The following NSL1 variants were observed in gnomAD, a reference collection of about 807,000 sequenced individuals.
NSL1 encodes kinetochore-associated protein NSL1 homolog.
In NSL1, 11 loss-of-function variants were observed where a neutral mutation model predicts 25.4. That is an observed-to-expected ratio of 0.43 (90% CI 0.27 to 0.72). The LOEUF (loss-of-function observed/expected upper bound fraction) is 0.72. NSL1 is among the 30% of genes least tolerant of loss of function. The pLI, the probability that NSL1 is intolerant of heterozygous loss-of-function variation, is 0.19. For missense variants in NSL1, 330 were observed against 342.7 expected (o/e 0.96, Z 0.29); for synonymous variants, 118 against 120.6 (o/e 0.98, Z 0.14).
intron 3 of NSL1, 44 bp from the exon 4 acceptor site, chr1:212,782,470 T>A (rs762355656): frequency 6.2e-6 from 8 of 1,299,852 alleles, no homozygotes; most frequent in Non-Finnish European, 8.9e-6. Flanking sequence ...ACTTAATGCT[T>A]CATATAAACA....
Position 212,730,267 on chromosome 1 carries a change from A to G in NSL1, c.*8141T>C, listed in dbSNP as rs535958610. On this transcript the variant is annotated 3_prime_UTR_variant, in exon 6 of 6. Coordinates refer to ENST00000366977, the MANE Select transcript of NSL1 (RefSeq NM_015471.4). ...AAAAAAAAAAAAAAAAAAAAAAAAG[A>G]AATGCGCCAAGTCTCAGGTATTTAT... is the stretch of plus-strand genomic sequence containing the variant. 5.0e-5 allele frequency: 49 copies of G among 978,100 alleles called. No individual in the cohort carries two copies. In the African/African-American group the frequency reaches 8.6e-4, roughly 17 times the overall value. 60.6% of individuals were successfully genotyped at this position (978,100 alleles called of 1,614,324 possible).
Position 212,726,705 on chromosome 1 carries a change from T to C in NSL1, c.*11703A>G, listed in dbSNP as rs1657804560. The C allele has an allele frequency of 6.3e-6, 1 of 157,794 alleles. No individual in the cohort carries two copies. The highest frequency in any genetic ancestry group is 2.0e-4 in the South Asian group (1 of 4,934). 9.8% of individuals were successfully genotyped at this position (157,794 alleles called of 1,614,324 possible). A position where few individuals can be genotyped will look rare whatever the true frequency, so the allele number is the denominator to read the frequency against. ...CCCTGAGGTTGGCTCCTCTTCAATG[T>C]CCAGACCGCTGAGCCACTCTGCAGT... On this transcript the variant is annotated 3_prime_UTR_variant, in exon 6 of 6. Coordinates refer to ENST00000366977, the MANE Select transcript of NSL1 (RefSeq NM_015471.4).
chr1:212,774,570 T>C (rs1660269848), intron 4 of NSL1, among the ~76,000 whole-genome samples: 1 of 152,156 alleles, frequency 6.6e-6, no homozygotes, highest in South Asian at 2.1e-4. Flanking sequence ...AGATGGCCAA[T>C]AAGCACATGA....
chr1:212,731,217 TAGAATTATC>T lies in NSL1; in HGVS notation c.*7182_*7190del. 1 of 983,618 alleles carries T rather than the reference TAGAATTATC, an allele frequency of 1.0e-6. No individual in the cohort carries two copies. Among genetic ancestry groups the T allele is most frequent in the Non-Finnish European group, 1.2e-6 (1 of 829,452 alleles). 60.9% of individuals were successfully genotyped at this position (983,618 alleles called of 1,614,324 possible). On this transcript the variant is annotated 3_prime_UTR_variant, in exon 6 of 6. Transcript: ENST00000366977. ...AAAAAAAACCTGAAGAAACCAAAAC[TAGAATTATC>T]AGCCAAAAACAGAGAATAGTAAGTC...
At chr1:212,777,753 G>A (rs1235942156) in intron 4 of NSL1, among the ~76,000 whole-genome samples, 1 of 152,184 alleles carries the variant, frequency 6.6e-6, no homozygotes, top group Admixed American at 6.5e-5. Context: ...GAACATTTTA[G>A]TTCCTAAAAA....
At chr1:212,750,036 A>AC (rs968272878) in intron 4 of NSL1, among the ~76,000 whole-genome samples, 32 of 151,302 alleles carry the variant, frequency 2.1e-4, no homozygotes, top group Admixed American at 1.1e-3. Context: ...GGCAGTACTA[A>AC]CCCCAGTGAG....
chr1:212,763,991 C>T (rs1465417368), intron 4 of NSL1: 3 of 433,676 alleles, frequency 6.9e-6, no homozygotes, highest in Non-Finnish European at 1.4e-5. Context: ...TCCTCATCAG[C>T]ACATGGAACA....
rs1053618488 is a variant in NSL1, at chr1:212,732,876, T to C, written c.*5532A>G. Among the ~76,000 whole-genome samples the C allele has an allele frequency of 1.3e-5, 2 of 152,256 alleles. No individual in the cohort carries two copies. Among genetic ancestry groups the C allele is most frequent in the Admixed American group, 6.5e-5 (1 of 15,290 alleles). ...ACTGTGTATAAAAGCCTAGGTTGTATATCATTTATGCTGAGAATATTTCTC... is the reference window on the plus strand; with the variant it reads ...ACTGTGTATAAAAGCCTAGGTTGTACATCATTTATGCTGAGAATATTTCTC... On this transcript the variant is annotated 3_prime_UTR_variant, in exon 6 of 6. Transcript: ENST00000366977.
At position 212,738,447 on chromosome 1, in the gene NSL1, C is replaced by T. The variant is rs150149847; in HGVS notation, c.807G>A (p.Trp269Ter). ...KQTKDCPQRK[W>*]YPLRPKKINL... ...TAATTTTCTTTGGCCGCAATGGATA[C>T]CATTTTCTCTGGGGGCAGTCTTTAG... Residue 269 changes from tryptophan (W) to a stop codon, truncating the protein, a stop_gained, in exon 6 of 6, where the codon TGG (tryptophan) becomes TGA (stop). Coordinates refer to ENST00000366977, the MANE Select transcript of NSL1 (RefSeq NM_015471.4). LOFTEE classifies it high-confidence loss of function. The T allele has an allele frequency of 1.9e-6, 3 of 1,613,564 alleles. No individual in the cohort carries two copies. Among genetic ancestry groups the T allele is most frequent in the African/African-American group, 2.7e-5 (2 of 74,808 alleles).
At position 212,760,572 on chromosome 1, in the gene NSL1, C is replaced by A. The variant is rs896816152; in HGVS notation, c.500-20971G>T. Among the ~76,000 whole-genome samples, 11 of 152,058 alleles carry A rather than the reference C, an allele frequency of 7.2e-5. No homozygotes were observed. The highest frequency in any genetic ancestry group is 4.1e-4 in the South Asian group (2 of 4,820). ...TCACCACCACCATCACCGCCAGGAC[C>A]CCCCTAAATGTGCTCTGGGGGGACT... On this transcript the variant is annotated intron_variant, in intron 4 of 5. Transcript: ENST00000366977. This position sits in a 1 kb window ranked among gnomAD's most constrained non-coding sequence, Gnocchi z 4.3.
At chr1:212,761,136 G>A (rs12079320) in intron 4 of NSL1, among the ~76,000 whole-genome samples, 1 of 152,210 alleles carries the variant, frequency 6.6e-6, no homozygotes, top group Non-Finnish European at 1.5e-5. Context: ...TCTGAAAGAA[G>A]TAACTGTTTC....
chr1:212,746,728 C>G (rs1383637204), intron 4 of NSL1, among the ~76,000 whole-genome samples: 1 of 152,174 alleles, frequency 6.6e-6, no homozygotes, highest in Non-Finnish European at 1.5e-5. Context: ...AGATGAGTTG[C>G]ACAACTTTAT....
chr1:212,728,044 A>G lies in NSL1; in HGVS notation c.*10364T>C, dbSNP rs887808551. The stretch of plus-strand genomic sequence containing the variant: ...GGCCTCGCTCTGCTCTACATGGTCT[A>G]TAGACCGCTGGGAAGGTGGCCAGGC... On this transcript the variant is annotated 3_prime_UTR_variant, in exon 6 of 6. Transcript: ENST00000366977. 1.5e-4 allele frequency: 148 copies of G among 985,324 alleles called. No homozygotes were observed. Among genetic ancestry groups the G allele is most frequent in the Non-Finnish European group, 1.7e-4 (143 of 829,948 alleles). The allele number at this position is 985,324 out of a possible 1,614,324, so 61.0% of individuals were successfully genotyped here.
intron 1 of NSL1, among the ~76,000 whole-genome samples, chr1:212,790,747 CCT>C (rs923495805): frequency 1.3e-4 from 19 of 151,702 alleles, no homozygotes; most frequent in African/African-American, 4.1e-4. Flanking sequence ...ACGGTGAAAC[CCT>C]GTCTCTACTA....
Position 212,738,223 on chromosome 1 carries a change from A to G in NSL1, c.*185T>C. 1 of 1,353,296 alleles carries G rather than the reference A, an allele frequency of 7.4e-7. No homozygotes were observed. 83.8% of individuals were successfully genotyped at this position (1,353,296 alleles called of 1,614,324 possible). On this transcript the variant is annotated 3_prime_UTR_variant, in exon 6 of 6. Coordinates refer to ENST00000366977, the MANE Select transcript of NSL1 (RefSeq NM_015471.4). ...TTAAAATGCTTTTTATTTACAATAG[A>G]TAAAACAGTAAGGAAATACAATATT...
chr1:212,759,918 C>T (rs1659482851), intron 4 of NSL1, among the ~76,000 whole-genome samples: 1 of 152,178 alleles, frequency 6.6e-6, no homozygotes, highest in African/African-American at 2.4e-5. Context: ...CCTGGGGCCA[C>T]CCAGCAGCAA....
chr1:212,765,195 C>T (rs1036382449), intron 4 of NSL1, among the ~76,000 whole-genome samples: 2 of 151,942 alleles, frequency 1.3e-5, no homozygotes, highest in African/African-American at 4.8e-5. Context: ...AAAATTATTC[C>T]AAAAGACAGA....
chr1:212,780,198 C>CCTTA (rs1660657043), intron 4 of NSL1, among the ~76,000 whole-genome samples: 1 of 151,740 alleles, frequency 6.6e-6, no homozygotes, highest in African/African-American at 2.4e-5. Flanking sequence ...TGATCTGTGA[C>CCTTA]CTTACCCCCA....
At chr1:212,761,107 A>G (rs1232218862) in intron 4 of NSL1, among the ~76,000 whole-genome samples, 1 of 152,264 alleles carries the variant, frequency 6.6e-6, no homozygotes, top group Non-Finnish European at 1.5e-5. Flanking sequence ...GTCTTTTCCT[A>G]TGAAAGCCAA....
Sources: gnomAD v4.1 joint callset for allele counts (sites outside exome capture counted in the v4.1 genomes callset) on GRCh38, gnomAD v4.1.1 for gene constraint, Gnocchi (gnomAD v3.1) non-coding constraint, MANE v1.5 for transcripts, NCBI Gene and HGNC (gene_info 2026-07-23, HGNC 2026-07-21) for gene names.